Variants in NAALADL2 observed in about 807,000 individuals in gnomAD.
NAALADL2 encodes the protein inactive N-acetylated-alpha-linked acidic dipeptidase-like protein 2.
NAALADL2 carries 76 observed loss-of-function variants against 87.2 expected under a neutral mutation model. That is an observed-to-expected ratio of 0.87 (90% CI 0.72 to 1.05). NAALADL2 has a LOEUF of 1.05. NAALADL2 is among the 50% of genes least tolerant of loss of function. The pLI, the probability that NAALADL2 is intolerant of heterozygous loss-of-function variation, is 0.00. For missense variants in NAALADL2, 1,089 were observed against 945.8 expected (o/e 1.15, Z -1.99); for synonymous variants, 354 against 331.0 (o/e 1.07, Z -0.75).
At chr3:175,751,060 C>T (rs765330942) in intron 12 of NAALADL2, among the ~76,000 whole-genome samples, 71 of 152,044 alleles carry the variant, frequency 4.7e-4, no homozygotes, top group Non-Finnish European at 5.6e-4. Context: ...AGACAGTCAA[C>T]TATATTGTAT....
chr3:174,962,056 T>A (rs1170812651), intron 1 of NAALADL2, among the ~76,000 whole-genome samples: 1 of 151,932 alleles, frequency 6.6e-6, no homozygotes, highest in Non-Finnish European at 1.5e-5. Flanking sequence ...TCTCTACCTC[T>A]CTTCATTTCT....
intron 1 of NAALADL2, among the ~76,000 whole-genome samples, chr3:175,010,468 G>A (rs1219042577): frequency 6.6e-6 from 1 of 152,058 alleles, no homozygotes; most frequent in Non-Finnish European, 1.5e-5. Flanking sequence ...TTGCTTCTGT[G>A]TTACTGCTTC....
chr3:174,861,004 T>C (rs925742897), intron 1 of NAALADL2, among the ~76,000 whole-genome samples: 7 of 152,102 alleles, frequency 4.6e-5, no homozygotes, highest in African/African-American at 1.7e-4. Context: ...GTAAATAATT[T>C]GAATGGTGTG....
At chr3:175,235,323 T>C (rs1193732204) in intron 3 of NAALADL2, 2 of 152,182 alleles carry the variant, frequency 1.3e-5, no homozygotes, top group Non-Finnish European at 2.9e-5. Flanking sequence ...ATCGTTTCTA[T>C]TCTGTATATA....
intron 2 of NAALADL2, among the ~76,000 whole-genome samples, chr3:174,719,745 T>C (rs141481080): frequency 0.014 from 2,075 of 152,256 alleles, 12 homozygotes; most frequent in Middle Eastern, 0.02. Context: ...CAATAGAGAG[T>C]ATGTTAATAC....
intron 13 of NAALADL2, among the ~76,000 whole-genome samples, chr3:175,757,899 A>G (rs1044390662): frequency 2.0e-5 from 3 of 152,092 alleles, no homozygotes; most frequent in African/African-American, 7.2e-5. Context: ...ATATTTTGTA[A>G]ATTATTCTAT....
chr3:175,083,981 T>G (rs1217756860), intron 1 of NAALADL2, among the ~76,000 whole-genome samples: 1 of 152,136 alleles, frequency 6.6e-6, no homozygotes, highest in Non-Finnish European at 1.5e-5. Context: ...ACATGCACTG[T>G]GTATGCCGAG....
chr3:174,811,939 C>A (rs999308816), intron 3 of NAALADL2, among the ~76,000 whole-genome samples: 1 of 152,044 alleles, frequency 6.6e-6, no homozygotes, highest in Non-Finnish European at 1.5e-5. Context: ...ATGAAATCTG[C>A]CTTTTTTAAG....
At chr3:174,604,828 G>A (rs1718832196) in intron 2 of NAALADL2, among the ~76,000 whole-genome samples, 3 of 151,392 alleles carry the variant, frequency 2.0e-5, no homozygotes, top group Non-Finnish European at 4.4e-5. Flanking sequence ...GAGTGCAGTG[G>A]CATGATCTTG....
At position 175,802,990 on chromosome 3, in the gene NAALADL2, TG is replaced by T. The variant is rs1326247917; in HGVS notation, c.2190-14del. 1 of 1,570,354 alleles carries T rather than the reference TG, an allele frequency of 6.4e-7. No homozygotes were observed. Among genetic ancestry groups the T allele is most frequent in the Non-Finnish European group, 8.8e-7 (1 of 1,142,450 alleles). ...TTGTGCATGAAACATTTATACATTTTGTATTTCTTTTCAGAAACATCCTCTA... is the reference window on the plus strand; with the variant it reads ...TTGTGCATGAAACATTTATACATTTTTATTTCTTTTCAGAAACATCCTCTA... On this transcript the variant is annotated splice_polypyrimidine_tract_variant and intron_variant, in intron 13 of 13. Coordinates refer to ENST00000454872, the MANE Select transcript of NAALADL2 (RefSeq NM_207015.3).
chr3:175,741,149 A>G (rs1464602959), intron 12 of NAALADL2, among the ~76,000 whole-genome samples: 1 of 152,184 alleles, frequency 6.6e-6, no homozygotes, highest in African/African-American at 2.4e-5. Flanking sequence ...CATAGACTGG[A>G]TGGCTTATCA....
intron 5 of NAALADL2, among the ~76,000 whole-genome samples, chr3:175,344,584 T>C (rs576034625): frequency 7.2e-5 from 11 of 152,188 alleles, no homozygotes; most frequent in African/African-American, 2.4e-4. Context: ...TTTTTATCTT[T>C]TATCTTGGTA....
intron 5 of NAALADL2, among the ~76,000 whole-genome samples, chr3:175,413,592 CAT>C (rs1714034552): frequency 6.9e-6 from 1 of 144,384 alleles, no homozygotes; most frequent in African/African-American, 2.6e-5. Context: ...AAATCCCAAA[CAT>C]GTGCTATATG....
intron 2 of NAALADL2, among the ~76,000 whole-genome samples, chr3:174,571,684 C>G (rs2108536266): frequency 6.6e-6 from 1 of 152,168 alleles, no homozygotes; most frequent in Admixed American, 6.5e-5. Flanking sequence ...TGACCCATAT[C>G]TTTAATTAAA....
chr3:174,696,593 T>TAAAA (rs62946360), intron 2 of NAALADL2, among the ~76,000 whole-genome samples: 3,143 of 109,676 alleles, frequency 0.029, 73 homozygotes, highest in East Asian at 0.056. Context: ...TGTAGTTATC[T>TAAAA]AAAAAAAAAA....
intron 2 of NAALADL2, among the ~76,000 whole-genome samples, chr3:174,707,773 A>G (rs1278975736): frequency 1.3e-5 from 2 of 151,974 alleles, no homozygotes; most frequent in African/African-American, 4.8e-5. Flanking sequence ...GTGCACATGT[A>G]CCCTAGAACT....
chr3:175,200,558 C>T (rs867746942), intron 2 of NAALADL2, among the ~76,000 whole-genome samples: 3 of 152,194 alleles, frequency 2.0e-5, no homozygotes, highest in Admixed American at 1.3e-4. Context: ...TTTTCCACTT[C>T]CTGTAGCAGT....
intron 2 of NAALADL2, among the ~76,000 whole-genome samples, chr3:174,646,830 A>T (rs1405635426): frequency 6.6e-6 from 1 of 151,716 alleles, no homozygotes; most frequent in East Asian, 1.9e-4. Flanking sequence ...TAATAAAGTA[A>T]CATGACCTTA....
At chr3:175,580,775 A>G (rs1719648897) in intron 10 of NAALADL2, among the ~76,000 whole-genome samples, 1 of 152,056 alleles carries the variant, frequency 6.6e-6, no homozygotes, top group Admixed American at 6.6e-5. Context: ...TTCTTACAAT[A>G]TGGTATTTAG....
Sources: allele counts gnomAD v4.1 joint callset (sites outside exome capture counted in the v4.1 genomes callset), GRCh38; gene constraint gnomAD v4.1.1; transcripts MANE v1.5; gene names NCBI Gene and HGNC (gene_info 2026-07-23, HGNC 2026-07-21).